WWOX: variants seen among roughly 807,000 people sequenced by gnomAD.
WWOX encodes WW domain containing oxidoreductase.
In WWOX, 69 loss-of-function variants were observed where a neutral mutation model predicts 46.2. The ratio of observed to expected loss-of-function variants is 1.49; its 90% CI spans 1.23 to 1.82. The LOEUF is 1.82. WWOX is among the 40% of genes most tolerant of loss of function. The probability of loss-of-function intolerance (pLI) is 0.00; values close to 1 mark genes in which losing one functional copy is unlikely to be tolerated. For missense variants in WWOX, 919 were observed against 542.6 expected, an observed-to-expected ratio of 1.69 and a Z score of -6.89; for synonymous variants, 359 against 202.6, an observed-to-expected ratio of 1.77 and a Z score of -6.56.
chr16:79,007,405 C>G (rs143886627), intron 8 of WWOX, among the ~76,000 whole-genome samples: 1 of 152,150 alleles, frequency 6.6e-6, no homozygotes, highest in African/African-American at 2.4e-5. Context: ...CCCTGAGACA[C>G]TCAGAGAAAT....
chr16:78,151,303 G>A (rs1366201054), intron 4 of WWOX, among the ~76,000 whole-genome samples: 1 of 152,146 alleles, frequency 6.6e-6, no homozygotes, highest in Non-Finnish European at 1.5e-5. Flanking sequence ...GGGGCCTGAT[G>A]GTGGGGTACA....
intron 8 of WWOX, among the ~76,000 whole-genome samples, chr16:78,963,240 G>A (rs1282321341): frequency 6.6e-6 from 1 of 152,140 alleles, no homozygotes; most frequent in Non-Finnish European, 1.5e-5. Flanking sequence ...AGGCAGAGGT[G>A]AGAGGATTCC....
chr16:78,819,921 T>C (rs1309343327), intron 8 of WWOX, among the ~76,000 whole-genome samples: 1 of 136,290 alleles, frequency 7.3e-6, no homozygotes, highest in African/African-American at 2.5e-5. Context: ...GGACTCATTA[T>C]TTACTTATTT....
intron 8 of WWOX, among the ~76,000 whole-genome samples, chr16:78,948,133 C>T (rs1475750480): frequency 6.6e-6 from 1 of 152,180 alleles, no homozygotes; most frequent in Non-Finnish European, 1.5e-5. Flanking sequence ...CTCTGTGAAC[C>T]TTAAGTTGCT....
chr16:78,810,084 C>G (rs1458087955), intron 8 of WWOX, among the ~76,000 whole-genome samples: 2 of 152,302 alleles, frequency 1.3e-5, no homozygotes, highest in East Asian at 1.9e-4. Flanking sequence ...ATGGAAATTT[C>G]CAGACCTAAA....
intron 8 of WWOX, among the ~76,000 whole-genome samples, chr16:78,700,998 G>A (rs2048204766): frequency 6.6e-6 from 1 of 152,132 alleles, no homozygotes; most frequent in South Asian, 2.1e-4. Flanking sequence ...CCTGGAGCTA[G>A]GCTGCCTAGG....
At chr16:78,817,563 C>T (rs528477696) in intron 8 of WWOX, among the ~76,000 whole-genome samples, 1 of 152,258 alleles carries the variant, frequency 6.6e-6, no homozygotes, top group Admixed American at 6.5e-5. Flanking sequence ...CGAACCCATG[C>T]CAAGTTGGCT....
At position 78,144,844 on chromosome 16, in the gene WWOX, A is replaced by G. The variant is rs1436108509; in HGVS notation, c.410-19339A>G. Among the ~76,000 whole-genome samples the G allele has an allele frequency of 2.6e-5, 4 of 152,036 alleles. No homozygotes were observed. In the East Asian group the frequency reaches 7.8e-4, roughly 30 times the overall value. On this transcript the variant is annotated intron_variant, in intron 4 of 8. Coordinates refer to ENST00000566780, the MANE Select transcript of WWOX (RefSeq NM_016373.4). The stretch of plus-strand genomic sequence containing the variant: ...CCTGCCGTTACTTTTAATGGCAAAG[A>G]TAATTCTTTTAATAATTAAAATTTG...
chr16:78,762,283 C>T (rs2049813653), intron 8 of WWOX, among the ~76,000 whole-genome samples: 1 of 152,182 alleles, frequency 6.6e-6, no homozygotes, highest in Admixed American at 6.5e-5. Context: ...AAAGCTTGGT[C>T]CATGAACCAG....
intron 8 of WWOX, among the ~76,000 whole-genome samples, chr16:78,648,372 C>G (rs1198394332): frequency 6.6e-6 from 1 of 152,186 alleles, no homozygotes. Flanking sequence ...CCTGCACTTA[C>G]TGCTTTGGGG....
chr16:78,576,504 G>C (rs1340348413), intron 8 of WWOX, among the ~76,000 whole-genome samples: 1 of 152,116 alleles, frequency 6.6e-6, no homozygotes, highest in Non-Finnish European at 1.5e-5. Context: ...TTCCTTAAGT[G>C]GTGAAGCTGC....
intron 8 of WWOX, among the ~76,000 whole-genome samples, chr16:78,559,792 A>G (rs2253016): frequency 0.029 from 4,485 of 152,286 alleles, 80 homozygotes; most frequent in Middle Eastern, 0.071. Flanking sequence ...GGACAGGACA[A>G]TTCTCAGCCC....
intron 8 of WWOX, among the ~76,000 whole-genome samples, chr16:78,879,410 C>A (rs772025431): frequency 6.6e-6 from 1 of 152,128 alleles, no homozygotes; most frequent in East Asian, 1.9e-4. Flanking sequence ...TTTCTTCATG[C>A]CATAAGGGCA....
intron 8 of WWOX, among the ~76,000 whole-genome samples, chr16:78,968,967 A>C (rs2046416961): frequency 6.6e-6 from 1 of 151,658 alleles, no homozygotes; most frequent in South Asian, 2.1e-4. Context: ...TTCCACTTTC[A>C]AATGTATAAC....
chr16:79,067,424 T>C (rs975449861), intron 8 of WWOX, among the ~76,000 whole-genome samples: 3 of 152,090 alleles, frequency 2.0e-5, no homozygotes, highest in Non-Finnish European at 4.4e-5. Flanking sequence ...TCTTAAAAAC[T>C]TTATGAAAAC....
At chr16:78,793,628 C>T (rs1356538730) in intron 8 of WWOX, among the ~76,000 whole-genome samples, 3 of 152,120 alleles carry the variant, frequency 2.0e-5, no homozygotes, top group Non-Finnish European at 2.9e-5. Context: ...AATGTGCCTA[C>T]ATAGCACACA....
In WWOX at chr16:79,115,009, C is replaced by T. The variant is rs554439610; in HGVS notation, c.1057-96599C>T. On this transcript the variant is annotated intron_variant, in intron 8 of 8. Coordinates refer to ENST00000566780, the MANE Select transcript of WWOX (RefSeq NM_016373.4). Reference sequence around the variant, plus strand: ...AACATTGCAATAAGCACAGTATCTGCTTTCCCAGCAAAGCCAAGTGCAAGT... The same window carrying T: ...AACATTGCAATAAGCACAGTATCTGTTTTCCCAGCAAAGCCAAGTGCAAGT... Among the ~76,000 whole-genome samples, 16 of 152,374 alleles carry T rather than the reference C, an allele frequency of 1.1e-4. No individual in the cohort carries two copies. The Middle Eastern group carries it at 0.014, about 130-fold the overall frequency.
At chr16:78,923,664 G>C (rs1450866881) in intron 8 of WWOX, among the ~76,000 whole-genome samples, 1 of 151,702 alleles carries the variant, frequency 6.6e-6, no homozygotes, top group Non-Finnish European at 1.5e-5. Flanking sequence ...TTTTCCTATT[G>C]GAAAAAATTA....
chr16:78,501,933 C>G (rs2085080667), intron 8 of WWOX, among the ~76,000 whole-genome samples: 1 of 152,072 alleles, frequency 6.6e-6, no homozygotes, highest in South Asian at 2.1e-4. Context: ...TCCCACCTGC[C>G]CATCGTCAGA....
Sources: gnomAD v4.1 joint callset for allele counts (sites outside exome capture counted in the v4.1 genomes callset) on GRCh38, gnomAD v4.1.1 for gene constraint, MANE v1.5 for transcripts, NCBI Gene and HGNC (gene_info 2026-07-23, HGNC 2026-07-21) for gene names.